Variants in CTNND2 observed in about 807,000 individuals in gnomAD.
CTNND2 encodes catenin delta 2.
Under a neutral mutation model 144.4 loss-of-function variants are expected in CTNND2, and 22 were observed. The ratio of observed to expected loss-of-function variants is 0.15; its 90% CI spans 0.11 to 0.22. The LOEUF is 0.22. CTNND2 is among the 10% of genes least tolerant of loss of function. The probability of loss-of-function intolerance (pLI) is 1.00; values close to 1 mark genes in which losing one functional copy is unlikely to be tolerated. For synonymous variants in CTNND2, 751 were observed against 695.6 expected, an observed-to-expected ratio of 1.08 and a Z score of -1.25; for missense variants, 1,353 against 1,618.8, an observed-to-expected ratio of 0.84 and a Z score of 2.82.
At chr5:11,120,064 T>G (rs1453810417) in intron 12 of CTNND2, among the ~76,000 whole-genome samples, 1 of 152,238 alleles carries the variant, frequency 6.6e-6, no homozygotes, top group East Asian at 1.9e-4. Flanking sequence ...TATTCTAGTT[T>G]CTATTCCATT....
At chr5:11,194,517 C>T (rs554447517) in intron 11 of CTNND2, among the ~76,000 whole-genome samples, 1 of 152,202 alleles carries the variant, frequency 6.6e-6, no homozygotes, top group South Asian at 2.1e-4. Context: ...TAAAAGACTC[C>T]CCACTACAAC....
chr5:11,624,507 C>T (rs888246793), intron 2 of CTNND2, among the ~76,000 whole-genome samples: 7 of 152,038 alleles, frequency 4.6e-5, no homozygotes, highest in South Asian at 2.1e-4. Flanking sequence ...GGACAATGAT[C>T]AGTCAAAATG....
At position 11,872,224 on chromosome 5, in the gene CTNND2, T is replaced by A. The variant is rs560141223; in HGVS notation, c.37+31593A>T. On this transcript the variant is annotated intron_variant, in intron 1 of 21. Coordinates refer to ENST00000304623, the MANE Select transcript of CTNND2 (RefSeq NM_001332.4). ...CAAAGGACATGAATTCATCCTTTTT[T>A]ATGGCTGTATAGTATTCCATGGTGT... Among the ~76,000 whole-genome samples the A allele has an allele frequency of 2.0e-5, 3 of 152,322 alleles. No individual in the cohort carries two copies. In the East Asian group the frequency reaches 5.8e-4, roughly 29 times the overall value.
chr5:11,828,442 A>C (rs1581963464), intron 1 of CTNND2, among the ~76,000 whole-genome samples: 1 of 152,246 alleles, frequency 6.6e-6, no homozygotes, highest in African/African-American at 2.4e-5. Flanking sequence ...AAGCAGGAGA[A>C]TTGCCTGAAC....
At chr5:11,280,410 C>T (rs1386185589) in intron 9 of CTNND2, among the ~76,000 whole-genome samples, 1 of 152,214 alleles carries the variant, frequency 6.6e-6, no homozygotes, top group East Asian at 1.9e-4. Flanking sequence ...GTTAAGTCCA[C>T]AGTCAAGGTT....
chr5:11,369,785 G>GATC (rs112136422), intron 7 of CTNND2, among the ~76,000 whole-genome samples: 8,020 of 152,238 alleles, frequency 0.053, 525 homozygotes, highest in East Asian at 0.23. Context: ...GGGATAGGGG[G>GATC]ATCAAGAAAG....
chr5:11,007,980 C>T (rs1740665079), intron 18 of CTNND2, among the ~76,000 whole-genome samples: 1 of 152,124 alleles, frequency 6.6e-6, no homozygotes, highest in South Asian at 2.1e-4. Context: ...AAAGGCATGC[C>T]CTCCCTGGCT....
chr5:11,128,794 AT>A (rs1158455290), intron 12 of CTNND2, among the ~76,000 whole-genome samples: 13 of 35,950 alleles, frequency 3.6e-4, no homozygotes, highest in Non-Finnish European at 4.9e-4. Context: ...ATAAATATAT[AT>A]TATATATATA....
chr5:11,184,971 C>T (rs1156362968), intron 11 of CTNND2, among the ~76,000 whole-genome samples: 1 of 152,192 alleles, frequency 6.6e-6, no homozygotes, highest in Non-Finnish European at 1.5e-5. Context: ...CGCAGGAGTG[C>T]TTGTGCCTTA....
chr5:11,766,766 T>C (rs1581848111), intron 1 of CTNND2, among the ~76,000 whole-genome samples: 1 of 152,170 alleles, frequency 6.6e-6, no homozygotes, highest in African/African-American at 2.4e-5. Context: ...CACATAATAA[T>C]AATAACACGC....
In CTNND2 at chr5:11,110,994, G is replaced by A. The variant is rs200147870; in HGVS notation, c.2327C>T (p.Ala776Val). ...GTGCTGTCCCTGAGACGTTTCTGCC[G>A]CCAGCCGGTACGAGAGGTTCCTTAA... The part of the protein sequence containing the change: ...CILRNLSYRL[A>V]AETSQGQHMG... Residue 776 changes from alanine (A) to valine (V), a missense_variant, in exon 14 of 22, where the codon GCG becomes GTG. By Grantham distance (64) the Ala-to-Val change is moderately conservative. Coordinates refer to ENST00000304623, the MANE Select transcript of CTNND2 (RefSeq NM_001332.4). The A allele has an allele frequency of 3.5e-5, 56 of 1,612,432 alleles. No homozygotes were observed. Among genetic ancestry groups the A allele is most frequent in the Admixed American group, 2.8e-4 (17 of 59,986 alleles).
intron 3 of CTNND2, among the ~76,000 whole-genome samples, chr5:11,499,562 A>T (rs567479053): frequency 9.8e-5 from 15 of 152,336 alleles, no homozygotes; most frequent in Non-Finnish European, 1.9e-4. Context: ...AAGTATTTTT[A>T]AAAAATCCAA....
intron 8 of CTNND2, among the ~76,000 whole-genome samples, chr5:11,348,450 A>G (rs61750694): frequency 0.053 from 7,798 of 147,278 alleles, 513 homozygotes; most frequent in African/African-American, 0.15. Flanking sequence ...AAAAAAAAAA[A>G]AAAAAAGAAA....
chr5:11,567,258 T>C (rs1777194105), intron 2 of CTNND2, among the ~76,000 whole-genome samples: 1 of 152,278 alleles, frequency 6.6e-6, no homozygotes, highest in African/African-American at 2.4e-5. Flanking sequence ...TTTTAATTTT[T>C]CTCTGCTTTT....
chr5:11,552,408 T>TA (rs1775839151), intron 3 of CTNND2, among the ~76,000 whole-genome samples: 1 of 152,172 alleles, frequency 6.6e-6, no homozygotes, highest in Admixed American at 6.5e-5. Context: ...TTTCTATATT[T>TA]AAAAAAAGCT....
chr5:11,247,823 T>C (rs974542855), intron 9 of CTNND2, among the ~76,000 whole-genome samples: 9 of 152,212 alleles, frequency 5.9e-5, no homozygotes, highest in African/African-American at 2.2e-4. Flanking sequence ...ATGGATATCA[T>C]CAATTATGTC....
At chr5:11,039,668 G>A (rs1391092888) in intron 16 of CTNND2, among the ~76,000 whole-genome samples, 1 of 152,156 alleles carries the variant, frequency 6.6e-6, no homozygotes, top group East Asian at 1.9e-4. Context: ...AGACCAGCTG[G>A]AGCCAGGGGA....
intron 5 of CTNND2, among the ~76,000 whole-genome samples, chr5:11,400,352 G>T (rs980767440): frequency 1.8e-4 from 28 of 152,118 alleles, no homozygotes; most frequent in African/African-American, 6.3e-4. Context: ...AGCAACAGCG[G>T]ATCATCATGT....
intron 11 of CTNND2, among the ~76,000 whole-genome samples, chr5:11,188,694 C>T (rs1038564086): frequency 6.6e-6 from 1 of 152,214 alleles, no homozygotes; most frequent in Non-Finnish European, 1.5e-5. Flanking sequence ...CCATCCTGGT[C>T]ACTGGTAAGA....
Sources: gnomAD v4.1 joint callset for allele counts (sites outside exome capture counted in the v4.1 genomes callset) on GRCh38, gnomAD v4.1.1 for gene constraint, MANE v1.5 for transcripts, NCBI Gene and HGNC (gene_info 2026-07-23, HGNC 2026-07-21) for gene names.